URB2: variants seen among roughly 807,000 people sequenced by gnomAD.
URB2 encodes the protein URB2 ribosome biogenesis homolog.
Under a neutral mutation model 120.9 loss-of-function variants are expected in URB2, and 86 were observed. That is an observed-to-expected ratio of 0.71 (90% CI 0.60 to 0.85). URB2 has a LOEUF of 0.85. URB2 is among the 40% of genes least tolerant of loss of function. The pLI is 0.00. For synonymous variants in URB2, 755 were observed against 758.4 expected, an observed-to-expected ratio of 1.00 and a Z score of 0.07; for missense variants, 1,765 against 1,836.5, an observed-to-expected ratio of 0.96 and a Z score of 0.71.
chr1:229,636,989 CA>C lies in URB2; in HGVS notation c.2379del (p.Ala794ProfsTer19). 6.2e-7 allele frequency: 1 copy of C among 1,614,098 alleles called. No individual in the cohort carries two copies. Among genetic ancestry groups the C allele is most frequent in the Middle Eastern group, 1.6e-4 (1 of 6,062 alleles). ...CATACATCACACTGGAAAAAATATC[CA>C]AAGCCTTCCTTCATAGCCCTCTCTT... ...EAYITLEKIS[K>X]AFLHSPLFPE... On this transcript the variant is annotated frameshift_variant, in exon 4 of 10. Coordinates refer to ENST00000258243, the MANE Select transcript of URB2 (RefSeq NM_014777.4). LOFTEE classifies it high-confidence loss of function.
chr1:229,628,287 G>A (rs1347162270), intron 2 of URB2, among the ~76,000 whole-genome samples: 2 of 75,302 alleles, frequency 2.7e-5, no homozygotes, highest in Admixed American at 1.2e-4. Context: ...CAGACATGGT[G>A]GCATGTGCCT....
Position 229,659,366 on chromosome 1 carries a change from G to T in URB2, c.*69G>T. ...TTGGCTGCATGGTCTGAAAGAGCTG[G>T]AGAATGAAAGACTTAAGATGTTCTA... On this transcript the variant is annotated 3_prime_UTR_variant, in exon 10 of 10. Coordinates refer to ENST00000258243, the MANE Select transcript of URB2 (RefSeq NM_014777.4). 6.7e-7 allele frequency: 1 copy of T among 1,498,082 alleles called. No homozygotes were observed. The highest frequency in any genetic ancestry group is 9.2e-7 in the Non-Finnish European group (1 of 1,090,618). The allele number at this position is 1,498,082 out of a possible 1,614,324, so 92.8% of individuals were successfully genotyped here. A position where few individuals can be genotyped will look rare whatever the true frequency, so the allele number is the denominator to read the frequency against.
chr1:229,645,067 T>C (rs544514898), intron 5 of URB2, among the ~76,000 whole-genome samples: 2 of 152,220 alleles, frequency 1.3e-5, no homozygotes, highest in Admixed American at 1.3e-4. Context: ...GGGTGGATTA[T>C]ATGAGGTCAG....
chr1:229,649,868 A>G (rs1399923067), intron 7 of URB2, among the ~76,000 whole-genome samples: 1 of 152,148 alleles, frequency 6.6e-6, no homozygotes, highest in Non-Finnish European at 1.5e-5. Flanking sequence ...ATACAAAGAA[A>G]AGCTAGATGA....
chr1:229,637,507 T>A lies in URB2; in HGVS notation c.2894T>A (p.Met965Lys). 5 of 1,614,226 alleles carry A rather than the reference T, an allele frequency of 3.1e-6. No individual in the cohort carries two copies. The highest frequency in any genetic ancestry group is 3.4e-6 in the Non-Finnish European group (4 of 1,180,040). ...AGTGCTCGCTCTGTGTTCAAGATCATGTATGGTAGTGATATTTTTGAGGTT... is the reference window on the plus strand; with the variant it reads ...AGTGCTCGCTCTGTGTTCAAGATCAAGTATGGTAGTGATATTTTTGAGGTT... Reference protein sequence around the residue: ...GKSARSVFKIMYGSDIFEVVL... With the variant: ...GKSARSVFKIKYGSDIFEVVL... The change falls in exon 4 of 10, where the codon ATG becomes AAG. Residue 965 changes from methionine to lysine, a missense_variant. Coordinates refer to ENST00000258243, the MANE Select transcript of URB2 (RefSeq NM_014777.4).
chr1:229,632,175 T>A, intron 2 of URB2, 94 bp from the exon 3 acceptor site: 1 of 1,191,700 alleles, frequency 8.4e-7, no homozygotes, highest in Non-Finnish European at 1.1e-6. Context: ...CCGTGGCAAT[T>A]GGATTTGCTT....
intron 7 of URB2, 97 bp downstream of exon 7, chr1:229,647,849 A>G: frequency 6.7e-7 from 1 of 1,498,938 alleles, no homozygotes; most frequent in Non-Finnish European, 8.9e-7. Context: ...CTGTTGCAGG[A>G]TAATAATACA....
intron 2 of URB2, among the ~76,000 whole-genome samples, chr1:229,628,309 T>C (rs999173865): frequency 2.5e-5 from 3 of 120,830 alleles, no homozygotes; most frequent in Non-Finnish European, 5.3e-5. Flanking sequence ...TAGTCCTTAC[T>C]ACTTGGGAGG....
chr1:229,641,009 C>G (rs1358206585), intron 4 of URB2, among the ~76,000 whole-genome samples: 1 of 115,306 alleles, frequency 8.7e-6, no homozygotes, highest in East Asian at 2.8e-4. Context: ...GAGGCAATCT[C>G]TTTTTTTTTT....
intron 2 of URB2, among the ~76,000 whole-genome samples, chr1:229,628,433 A>G (rs1255422124): frequency 6.6e-6 from 1 of 151,830 alleles, no homozygotes; most frequent in Admixed American, 6.6e-5. Flanking sequence ...TTTAAAATAA[A>G]TGAACCCACC....
chr1:229,637,897 CAG>C lies in URB2; in HGVS notation c.3285_3286del (p.Gly1096SerfsTer76), dbSNP rs1463785030. 1.9e-6 allele frequency: 3 copies of C among 1,603,578 alleles called. No homozygotes were observed. Among genetic ancestry groups the C allele is most frequent in the Non-Finnish European group, 2.6e-6 (3 of 1,175,670 alleles). ...CTGCTGCAGCAGGTTGTGCTGCAGA[CAG>C]GAGCTGTGCTGCAGCTCTGCTCAGT... On this transcript the variant is annotated frameshift_variant, in exon 4 of 10. Coordinates refer to ENST00000258243, the MANE Select transcript of URB2 (RefSeq NM_014777.4). LOFTEE classifies it high-confidence loss of function.
rs1160959203 is a variant in URB2 at position 229,637,268 on chromosome 1, G to A, written c.2655G>A (p.Gln885=). 1.2e-6 allele frequency: 2 copies of A among 1,614,192 alleles called. No individual in the cohort carries two copies. The highest frequency in any genetic ancestry group is 1.7e-6 in the Non-Finnish European group (2 of 1,180,034). The change falls in exon 4 of 10, where the codon CAG becomes CAA. Residue 885 remains glutamine (Q), a synonymous_variant. Coordinates refer to ENST00000258243, the MANE Select transcript of URB2 (RefSeq NM_014777.4). ...LSLVKSDFPI[Q]LEGEQLESIL... is the part of the protein sequence containing the mutation. ...TGGTCAAGAGTGACTTCCCTATCCA[G>A]CTGGAGGGAGAGCAGTTGGAAAGCA...
intron 3 of URB2, among the ~76,000 whole-genome samples, chr1:229,633,458 T>C (rs1014184077): frequency 6.6e-6 from 1 of 152,220 alleles, no homozygotes; most frequent in Non-Finnish European, 1.5e-5. Context: ...ATAAATAAAT[T>C]ACACTTATTG....
chr1:229,641,521 G>C (rs1225917847), intron 4 of URB2, among the ~76,000 whole-genome samples: 2 of 152,160 alleles, frequency 1.3e-5, no homozygotes, highest in Admixed American at 6.5e-5. Context: ...AAGTGCCAGA[G>C]TTGTGAGTGC....
At chr1:229,627,012 G>A (rs1284962106) in intron 1 of URB2, among the ~76,000 whole-genome samples, 1 of 151,656 alleles carries the variant, frequency 6.6e-6, no homozygotes, top group East Asian at 1.9e-4. Context: ...TGTTTGGTAT[G>A]TTTGCTACCC....
intron 5 of URB2, among the ~76,000 whole-genome samples, chr1:229,645,403 G>A (rs899546298): frequency 8.6e-5 from 13 of 152,008 alleles, no homozygotes; most frequent in African/African-American, 2.9e-4. Context: ...TGTAGCACCC[G>A]TGACCACAGC....
intron 2 of URB2, among the ~76,000 whole-genome samples, chr1:229,628,092 T>G (rs1224797119): frequency 7.1e-6 from 1 of 140,626 alleles, no homozygotes; most frequent in Non-Finnish European, 1.5e-5. Context: ...CTTAAAAAAA[T>G]TATATATATT....
chr1:229,633,623 A>G (rs1259737552), intron 3 of URB2, among the ~76,000 whole-genome samples: 1 of 152,274 alleles, frequency 6.6e-6, no homozygotes, highest in East Asian at 1.9e-4. Flanking sequence ...AAATTATAAT[A>G]CCTATCTCAT....
Position 229,659,719 on chromosome 1 carries a change from C to T in URB2, c.*422C>T, listed in dbSNP as rs1666479370. Reference sequence around the variant, plus strand: ...TTTAAATATACTTGCCTTTCAAATTCTTCAAGTAACATGGGAAGTATTCTT... The same window carrying T: ...TTTAAATATACTTGCCTTTCAAATTTTTCAAGTAACATGGGAAGTATTCTT... On this transcript the variant is annotated 3_prime_UTR_variant, in exon 10 of 10. Transcript: ENST00000258243. 1 of 154,250 alleles carries T rather than the reference C, an allele frequency of 6.5e-6. No individual in the cohort carries two copies. Among genetic ancestry groups the T allele is most frequent in the African/African-American group, 2.4e-5 (1 of 41,490 alleles). 9.6% of individuals were successfully genotyped at this position (154,250 alleles called of 1,614,324 possible). A position where few individuals can be genotyped will look rare whatever the true frequency, so the allele number is the denominator to read the frequency against.
Sources: gnomAD v4.1 joint callset for allele counts (sites outside exome capture counted in the v4.1 genomes callset) on GRCh38, gnomAD v4.1.1 for gene constraint, MANE v1.5 for transcripts, NCBI Gene and HGNC (gene_info 2026-07-23, HGNC 2026-07-21) for gene names.